Variants in KIRREL3 observed in about 807,000 individuals in gnomAD.
The protein encoded by KIRREL3 is kin of IRRE-like protein 3.
KIRREL3 carries 36 observed loss-of-function variants against 89.7 expected under a neutral mutation model. The observed-to-expected ratio is 0.40, with a 90% CI of 0.31 to 0.53. KIRREL3 has a LOEUF of 0.53. Ranked by LOEUF, KIRREL3 falls within the 20% of genes least tolerant of loss-of-function variation. The pLI is 0.49. For synonymous variants in KIRREL3, 445 were observed against 441.4 expected, an observed-to-expected ratio of 1.01 and a Z score of -0.10; for missense variants, 864 against 1,056.6, an observed-to-expected ratio of 0.82 and a Z score of 2.53.
At position 126,890,843 on chromosome 11, in the gene KIRREL3, T is replaced by A. The variant is rs1015333151; in HGVS notation, c.55+109612A>T. Among the ~76,000 whole-genome samples, 4 of 152,168 alleles carry A rather than the reference T, an allele frequency of 2.6e-5. No individual in the cohort carries two copies. Among genetic ancestry groups the A allele is most frequent in the Admixed American group, 2.0e-4 (3 of 15,272 alleles). The stretch of plus-strand genomic sequence containing the variant: ...CTCCCAACCACTGTCCTCAGCATTG[T>A]TTCAATAGGAGTCACATGATTTTCC... On this transcript the variant is annotated intron_variant, in intron 1 of 16. Transcript: ENST00000525144. The surrounding 1 kb of genome is among the most constrained non-coding windows in gnomAD (Gnocchi z 5.1).
At chr11:126,794,341 C>T (rs376385638) in intron 1 of KIRREL3, among the ~76,000 whole-genome samples, 4 of 152,178 alleles carry the variant, frequency 2.6e-5, no homozygotes, top group East Asian at 1.9e-4. Flanking sequence ...TCTGTGAAGG[C>T]TTGTTCAGTG....
At chr11:126,893,586 A>G (rs538870729) in intron 1 of KIRREL3, among the ~76,000 whole-genome samples, 76 of 152,296 alleles carry the variant, frequency 5.0e-4, no homozygotes, top group African/African-American at 1.7e-3. Flanking sequence ...AGACTGTGGA[A>G]TCAGCGCTGT....
intron 1 of KIRREL3, among the ~76,000 whole-genome samples, chr11:126,781,472 C>CTT (rs1950322492): frequency 1.3e-5 from 2 of 152,200 alleles, no homozygotes; most frequent in African/African-American, 4.8e-5. Context: ...TGAAATCATA[C>CTT]TGTGTATACA....
At chr11:126,460,890 G>C (rs146193107) in intron 6 of KIRREL3, among the ~76,000 whole-genome samples, 45 of 152,356 alleles carry the variant, frequency 3.0e-4, no homozygotes, top group African/African-American at 9.1e-4. Context: ...TTTTGTCCAG[G>C]AGTCTGTAAC....
At chr11:126,600,774 C>T (rs1942617940) in intron 1 of KIRREL3, among the ~76,000 whole-genome samples, 1 of 152,176 alleles carries the variant, frequency 6.6e-6, no homozygotes. Context: ...AGGAAGGGCT[C>T]CTTATACACC....
In KIRREL3 at chr11:126,424,407, A is replaced by T; in HGVS notation, c.*173T>A. 3 of 397,912 alleles carry T rather than the reference A, an allele frequency of 7.5e-6. No homozygotes were observed. Among genetic ancestry groups the T allele is most frequent in the Non-Finnish European group, 9.6e-6 (2 of 208,984 alleles). The allele number at this position is 397,912 out of a possible 1,614,324, so 24.6% of individuals were successfully genotyped here. On this transcript the variant is annotated 3_prime_UTR_variant, in exon 17 of 17. Transcript: ENST00000525144. ...CACCTCTGGCACACAGCACCTGGGG[A>T]CCCAGATTTGTGCTTGATCAGAGCT...
In KIRREL3 at chr11:126,431,312, T is replaced by A. The variant is rs766366178; in HGVS notation, c.1696+107A>T. 28 of 1,554,782 alleles carry A rather than the reference T, an allele frequency of 1.8e-5. No homozygotes were observed. Among genetic ancestry groups the A allele is most frequent in the Non-Finnish European group, 2.3e-5 (27 of 1,149,060 alleles). Reference sequence around the variant, plus strand: ...CCTGCCCCAGGAGCTCACAGCACTGTTAGGACCCCTGTTCATTGCACTCCT... The same window carrying A: ...CCTGCCCCAGGAGCTCACAGCACTGATAGGACCCCTGTTCATTGCACTCCT... On this transcript the variant is annotated intron_variant, in intron 14 of 16. Transcript: ENST00000525144. The surrounding 1 kb of genome is among the most constrained non-coding windows in gnomAD (Gnocchi z 7.1).
Position 126,768,278 on chromosome 11 carries a change from T to TCATC in KIRREL3, c.56-205370_56-205367dup, listed in dbSNP as rs755322463. On this transcript the variant is annotated intron_variant, in intron 1 of 16. Coordinates refer to ENST00000525144, the MANE Select transcript of KIRREL3 (RefSeq NM_032531.4). This position sits in a 1 kb window ranked among gnomAD's most constrained non-coding sequence, Gnocchi z 4.5. ...TGCATCCACCCATCCATCCATCCATTCATCCATCCATCCATCCATCCATCC... is the reference window on the plus strand; with the variant it reads ...TGCATCCACCCATCCATCCATCCATTCATCCATCCATCCATCCATCCATCCATCC... Among the ~76,000 whole-genome samples, 91 of 135,772 alleles carry TCATC rather than the reference T, an allele frequency of 6.7e-4. No homozygotes were observed. The highest frequency in any genetic ancestry group is 6.2e-3 in the South Asian group (24 of 3,896). 89.1% of individuals were successfully genotyped at this position (135,772 alleles called of 152,430 possible). A position where few individuals can be genotyped will look rare whatever the true frequency, so the allele number is the denominator to read the frequency against.
At chr11:126,497,311 A>G (rs921376142) in intron 4 of KIRREL3, among the ~76,000 whole-genome samples, 3 of 152,160 alleles carry the variant, frequency 2.0e-5, no homozygotes, top group African/African-American at 7.2e-5. Context: ...AGAGCGAGAG[A>G]GAGTAAGACA....
At position 126,574,931 on chromosome 11, in the gene KIRREL3, A is replaced by T. The variant is rs1245628656; in HGVS notation, c.56-12019T>A. 6.6e-6 allele frequency among the ~76,000 whole-genome samples: 1 copy of T among 152,174 alleles called. No homozygotes were observed. The highest frequency in any genetic ancestry group is 1.5e-5 in the Non-Finnish European group (1 of 68,036). On this transcript the variant is annotated intron_variant, in intron 1 of 16. Transcript: ENST00000525144. The surrounding 1 kb of genome is among the most constrained non-coding windows in gnomAD (Gnocchi z 5.3). ...CTATTCTGGAACAATCATGCTTACA[A>T]GGTTTTCGGTGCACATGGGAGGTGG...
intron 1 of KIRREL3, among the ~76,000 whole-genome samples, chr11:126,626,502 C>T (rs1395669553): frequency 2.6e-5 from 4 of 152,192 alleles, no homozygotes; most frequent in Non-Finnish European, 4.4e-5. Context: ...ATTGTGCCAA[C>T]CATTAACTCT....
At chr11:126,831,010 G>A (rs7109025) in intron 1 of KIRREL3, among the ~76,000 whole-genome samples, 2,028 of 152,304 alleles carry the variant, frequency 0.013, 48 homozygotes, top group African/African-American at 0.046. Flanking sequence ...GCAGTTAGGA[G>A]CATGGACTGT....
At chr11:126,456,848 CTGTT>C (rs892993297) in intron 6 of KIRREL3, among the ~76,000 whole-genome samples, 5 of 152,186 alleles carry the variant, frequency 3.3e-5, no homozygotes, top group African/African-American at 7.2e-5. Context: ...TTTGAAATGT[CTGTT>C]TATTATCTCT....
rs922581291 is a variant in KIRREL3, at chr11:126,795,315, G to A, written c.55+205140C>T. Among the ~76,000 whole-genome samples, 1 of 151,716 alleles carries A rather than the reference G, an allele frequency of 6.6e-6. No individual in the cohort carries two copies. The highest frequency in any genetic ancestry group is 1.5e-5 in the Non-Finnish European group (1 of 68,026). On this transcript the variant is annotated intron_variant, in intron 1 of 16. Coordinates refer to ENST00000525144, the MANE Select transcript of KIRREL3 (RefSeq NM_032531.4). This position sits in a 1 kb window ranked among gnomAD's most constrained non-coding sequence, Gnocchi z 4.1. Reference sequence around the variant, plus strand: ...ACACTAATGCAAGATGCTAATAATGGGGGAAACTCAGGGCAGAGGTTGGGA... The same window carrying A: ...ACACTAATGCAAGATGCTAATAATGAGGGAAACTCAGGGCAGAGGTTGGGA...
rs1485684212 is a variant in KIRREL3, at chr11:126,571,813, T to G, written c.56-8901A>C. On this transcript the variant is annotated intron_variant, in intron 1 of 16. Coordinates refer to ENST00000525144, the MANE Select transcript of KIRREL3 (RefSeq NM_032531.4). The surrounding 1 kb of genome is among the most constrained non-coding windows in gnomAD (Gnocchi z 7.7). Reference sequence around the variant, plus strand: ...GGTTAAAGAATTTTACGGGAAACAGTTTTATCCCATGTGCAAGGATGCCTC... The same window carrying G: ...GGTTAAAGAATTTTACGGGAAACAGGTTTATCCCATGTGCAAGGATGCCTC... Among the ~76,000 whole-genome samples, 2 of 152,128 alleles carry G rather than the reference T, an allele frequency of 1.3e-5. No homozygotes were observed. The highest frequency in any genetic ancestry group is 2.9e-5 in the Non-Finnish European group (2 of 68,022).
rs4937159 is a variant in KIRREL3 at position 126,614,937 on chromosome 11, G to A, written c.56-52025C>T. Among the ~76,000 whole-genome samples the A allele has an allele frequency of 0.13, 19,212 of 152,112 alleles. 1,360 individuals are homozygous for A. The highest frequency in any genetic ancestry group is 0.33 in the East Asian group (1,680 of 5,158). On this transcript the variant is annotated intron_variant, in intron 1 of 16. Transcript: ENST00000525144. This position sits in a 1 kb window ranked among gnomAD's most constrained non-coding sequence, Gnocchi z 4.6. ...GGAGAAAGTCATGTAGAGAGATAAG[G>A]TAGGCTTATTATTTTTCGAGTGGAA...
At position 126,622,299 on chromosome 11, in the gene KIRREL3, G is replaced by A. The variant is rs149169628; in HGVS notation, c.56-59387C>T. Among the ~76,000 whole-genome samples the A allele has an allele frequency of 6.6e-6, 1 of 152,298 alleles. No individual in the cohort carries two copies. Among genetic ancestry groups the A allele is most frequent in the African/African-American group, 2.4e-5 (1 of 41,562 alleles). Reference sequence around the variant, plus strand: ...AAGGTGCCTTCTAAATGTTAAAAATGGTGACACATTTTATCTCAAGTTGAA... The same window carrying A: ...AAGGTGCCTTCTAAATGTTAAAAATAGTGACACATTTTATCTCAAGTTGAA... On this transcript the variant is annotated intron_variant, in intron 1 of 16. Transcript: ENST00000525144. The surrounding 1 kb of genome is among the most constrained non-coding windows in gnomAD (Gnocchi z 5.2).
rs1958637427 is a variant in KIRREL3 at position 126,522,793 on chromosome 11, T to A, written c.284-1329A>T. On this transcript the variant is annotated intron_variant, in intron 3 of 16. Transcript: ENST00000525144. This position sits in a 1 kb window ranked among gnomAD's most constrained non-coding sequence, Gnocchi z 6.0. The stretch of plus-strand genomic sequence containing the variant: ...ACTCCAATCCCCGCTGTCTTTCATC[T>A]CTGTCCCGGTTCCCTTCTCTCCTCA... Among the ~76,000 whole-genome samples the A allele has an allele frequency of 6.6e-6, 1 of 152,172 alleles. No homozygotes were observed. Among genetic ancestry groups the A allele is most frequent in the Non-Finnish European group, 1.5e-5 (1 of 68,030 alleles).
At position 126,891,639 on chromosome 11, in the gene KIRREL3, G is replaced by T. The variant is rs953549949; in HGVS notation, c.55+108816C>A. Among the ~76,000 whole-genome samples the T allele has an allele frequency of 2.6e-5, 4 of 152,250 alleles. No individual in the cohort carries two copies. The highest frequency in any genetic ancestry group is 9.6e-5 in the African/African-American group (4 of 41,470). On this transcript the variant is annotated intron_variant, in intron 1 of 16. Coordinates refer to ENST00000525144, the MANE Select transcript of KIRREL3 (RefSeq NM_032531.4). This position sits in a 1 kb window ranked among gnomAD's most constrained non-coding sequence, Gnocchi z 5.1. ...TCTCAGGGAAGCCAGTGGCCTGACA[G>T]TTAAGGCAAATGCACAGACTTCAGA...
Sources: gnomAD v4.1 joint callset for allele counts (sites outside exome capture counted in the v4.1 genomes callset) on GRCh38, gnomAD v4.1.1 for gene constraint, Gnocchi (gnomAD v3.1) non-coding constraint, MANE v1.5 for transcripts, NCBI Gene and HGNC (gene_info 2026-07-23, HGNC 2026-07-21) for gene names.